Variants in KIR2DL3 observed in about 807,000 individuals in gnomAD.
KIR2DL3 encodes the protein killer cell immunoglobulin-like receptor 2DL3.
In KIR2DL3, 39 loss-of-function variants were observed where a neutral mutation model predicts 33.8. The ratio of observed to expected loss-of-function variants is 1.15; its 90% confidence interval spans 0.89 to 1.51. The LOEUF (loss-of-function observed/expected upper bound fraction) is 1.51. KIR2DL3 is among the 40% of genes most tolerant of loss of function. KIR2DL3 has a pLI of 0.00. For synonymous variants in KIR2DL3, 174 were observed against 160.2 expected (o/e 1.09, Z -0.65); for missense variants, 462 against 426.2 (o/e 1.08, Z -0.74).
chr19:54,740,638 C>A (rs1314532225), intron 2 of KIR2DL3, among the ~76,000 whole-genome samples: 3 of 151,572 alleles, frequency 2.0e-5, no homozygotes, highest in Non-Finnish European at 4.4e-5. Context: ...GGTCCCATCA[C>A]GCAGGCCCTG....
chr19:54,744,006 A>G lies in KIR2DL3; in HGVS notation c.582A>G (p.Gly194=), dbSNP rs10414159. The part of the protein sequence containing the change: ...DFPLGPATHG[G]TYRCFGSFRD... ...CTCTGGGCCCTGCCACCCACGGAGGAACCTACAGATGCTTCGGCTCTTTCC... is the reference window on the plus strand; with the variant it reads ...CTCTGGGCCCTGCCACCCACGGAGGGACCTACAGATGCTTCGGCTCTTTCC... Residue 194 remains glycine, a synonymous_variant, in exon 4 of 8, where the codon GGA becomes GGG. Transcript: ENST00000342376. 0.044 allele frequency: 68,827 copies of G among 1,565,218 alleles called. 1,673 individuals are homozygous for G. Among genetic ancestry groups the G allele is most frequent in the African/African-American group, 0.12 (8,737 of 73,312 alleles).
intron 4 of KIR2DL3, among the ~76,000 whole-genome samples, chr19:54,744,509 A>G (rs1291325668): frequency 1.3e-5 from 2 of 151,802 alleles, no homozygotes; most frequent in African/African-American, 4.8e-5. Flanking sequence ...AAATATACCT[A>G]TATAGCTTAC....
In KIR2DL3 at chr19:54,744,047, A is replaced by C; in HGVS notation, c.623A>C (p.Glu208Ala). The change falls in exon 4 of 8, where the codon GAG becomes GCG. Residue 208 changes from glutamate (E) to alanine (A), a missense_variant. Physicochemically the swap from Glu to Ala is moderately radical, Grantham distance 107 (BLOSUM62 -1). Transcript: ENST00000342376. ...CFGSFRDSPYEWSNSSDPLLV... is the reference protein window; with the variant it reads ...CFGSFRDSPYAWSNSSDPLLV... The stretch of plus-strand genomic sequence containing the variant: ...GGCTCTTTCCGTGACTCTCCATACG[A>C]GTGGTCAAACTCGAGTGACCCACTG... 6.2e-7 allele frequency: 1 copy of C among 1,614,224 alleles called. No individual in the cohort carries two copies. Among genetic ancestry groups the C allele is most frequent in the Non-Finnish European group, 8.5e-7 (1 of 1,180,048 alleles).
At chr19:54,740,621 C>A (rs2070869711) in intron 2 of KIR2DL3, among the ~76,000 whole-genome samples, 1 of 151,426 alleles carries the variant, frequency 6.6e-6, no homozygotes, top group African/African-American at 2.4e-5. Context: ...TTGGGCATGT[C>A]CTTGAGGGTC....
Position 54,751,021 on chromosome 19 carries a change from A to T in KIR2DL3, c.716-628A>T, listed in dbSNP as rs796515915. Among the ~76,000 whole-genome samples, 242 of 111,826 alleles carry T rather than the reference A, an allele frequency of 2.2e-3. 1 individual carries two copies. Among genetic ancestry groups the T allele is most frequent in the South Asian group, 5.4e-3 (15 of 2,756 alleles). The allele number at this position is 111,826 out of a possible 152,430, so 73.4% of individuals were successfully genotyped here. On this transcript the variant is annotated intron_variant, in intron 5 of 7. Transcript: ENST00000342376. ...TCTCAGGACGTTGCTGTCTTAGTCC[A>T]TTTTTGTTGCTCTAAAGGAACACTT...
intron 4 of KIR2DL3, among the ~76,000 whole-genome samples, chr19:54,744,909 CACATATATAAACATAT>C (rs1317787643): frequency 2.4e-4 from 10 of 41,572 alleles, no homozygotes; most frequent in African/African-American, 8.0e-4. Flanking sequence ...CACACACACA[CACATATATAAACATAT>C]ATATATATAT....
chr19:54,748,906 C>T (rs1419548380), intron 5 of KIR2DL3, among the ~76,000 whole-genome samples: 11 of 150,328 alleles, frequency 7.3e-5, no homozygotes, highest in African/African-American at 2.5e-4. Context: ...GGACTACAGG[C>T]GTGAGCCACT....
intron 2 of KIR2DL3, among the ~76,000 whole-genome samples, chr19:54,741,007 G>A (rs13346544): frequency 0.16 from 18,634 of 117,848 alleles, 15 homozygotes; most frequent in South Asian, 0.22. Context: ...TCTCCAGAGG[G>A]AACAAAGCCC....
chr19:54,744,954 A>ATATATATATATATATT (rs1398407460), intron 4 of KIR2DL3, among the ~76,000 whole-genome samples: 1 of 31,276 alleles, frequency 3.2e-5, no homozygotes, highest in Non-Finnish European at 6.0e-5. Flanking sequence ...ATATATATAT[A>ATATATATATATATATT]TTTTTTTTTT....
chr19:54,752,538 C>G lies in KIR2DL3; in HGVS notation c.*19C>G. On this transcript the variant is annotated 3_prime_UTR_variant, in exon 8 of 8. Transcript: ENST00000342376. ...GCCCTGATCCAAAGTTGTCTCCTGCCCATGAGCACCACAGTCAGGCCTTGA... is the reference window on the plus strand; with the variant it reads ...GCCCTGATCCAAAGTTGTCTCCTGCGCATGAGCACCACAGTCAGGCCTTGA... 6.8e-7 allele frequency: 1 copy of G among 1,462,812 alleles called. No homozygotes were observed. The highest frequency in any genetic ancestry group is 9.3e-7 in the Non-Finnish European group (1 of 1,075,760). 90.6% of individuals were successfully genotyped at this position (1,462,812 alleles called of 1,614,324 possible).
chr19:54,741,410 G>A lies in KIR2DL3; in HGVS notation c.71-570G>A, dbSNP rs2071078108. On this transcript the variant is annotated intron_variant, in intron 2 of 7. Coordinates refer to ENST00000342376, the MANE Select transcript of KIR2DL3 (RefSeq NM_015868.3). Reference sequence around the variant, plus strand: ...GCTACCCTGAGATCAGCAAGGGTGGGATGATGATGCCACCACCAGGCTCCA... The same window carrying A: ...GCTACCCTGAGATCAGCAAGGGTGGAATGATGATGCCACCACCAGGCTCCA... Among the ~76,000 whole-genome samples, 4 of 152,028 alleles carry A rather than the reference G, an allele frequency of 2.6e-5. No homozygotes were observed. In the East Asian group the frequency reaches 7.7e-4, roughly 29 times the overall value.
Position 54,744,954 on chromosome 19 carries a change from A to ATTTTT in KIR2DL3, c.664+885_664+889dup, listed in dbSNP as rs71195797. Among the ~76,000 whole-genome samples the ATTTTT allele has an allele frequency of 7.1e-3, 222 of 31,182 alleles. 10 individuals carry two copies. The highest frequency in any genetic ancestry group is 0.01 in the Non-Finnish European group (168 of 16,696). The allele number at this position is 31,182 out of a possible 152,430, so 20.5% of individuals were successfully genotyped here. On this transcript the variant is annotated intron_variant, in intron 4 of 7. Transcript: ENST00000342376. ...TATATATATATATATATATATATAT[A>ATTTTT]TTTTTTTTTTTTTTTTTTTTTTTAC...
At chr19:54,741,313 C>T (rs533080304) in intron 2 of KIR2DL3, among the ~76,000 whole-genome samples, 57 of 151,112 alleles carry the variant, frequency 3.8e-4, no homozygotes, top group African/African-American at 1.3e-3. Flanking sequence ...TCACTCCAGC[C>T]TGGGTGAAGG....
At position 54,744,221 on chromosome 19, in the gene KIR2DL3, G is replaced by A. The variant is rs566450929; in HGVS notation, c.664+133G>A. 2.7e-3 allele frequency: 3,794 copies of A among 1,389,726 alleles called. 22 individuals carry two copies. The highest frequency in any genetic ancestry group is 2.6e-3 in the Non-Finnish European group (2,579 of 1,011,212). 86.1% of individuals were successfully genotyped at this position (1,389,726 alleles called of 1,614,324 possible). A position where few individuals can be genotyped will look rare whatever the true frequency, so the allele number is the denominator to read the frequency against. The stretch of plus-strand genomic sequence containing the variant: ...AGCTTGGGTGTGAGGGAGGGATCAG[G>A]GCACAGGATGGCAGACAGGGCACCT... On this transcript the variant is annotated intron_variant, in intron 4 of 7. Transcript: ENST00000342376.
chr19:54,748,062 C>G (rs1415204245), intron 5 of KIR2DL3, among the ~76,000 whole-genome samples: 20 of 151,480 alleles, frequency 1.3e-4, no homozygotes, highest in Admixed American at 6.6e-5. Context: ...GCTGCCTTCC[C>G]TCTGAGGATT....
At chr19:54,743,259 A>T (rs2147057689) in intron 3 of KIR2DL3, among the ~76,000 whole-genome samples, 1 of 152,094 alleles carries the variant, frequency 6.6e-6, no homozygotes, top group Middle Eastern at 3.4e-3. Flanking sequence ...AGAGATGATG[A>T]TGATGAAGAC....
rs1163043232 is a variant in KIR2DL3, at chr19:54,743,167, T to C, written c.371-628T>C. On this transcript the variant is annotated intron_variant, in intron 3 of 7. Transcript: ENST00000342376. ...CAGATGATAGATGGATAGATATAGA[T>C]AGATGATAAATAGGTAGATGATAGA... Among the ~76,000 whole-genome samples, 1,271 of 151,914 alleles carry C rather than the reference T, an allele frequency of 8.4e-3. 15 individuals are homozygous for C. Among genetic ancestry groups the C allele is most frequent in the African/African-American group, 0.029 (1,202 of 41,376 alleles).
Position 54,743,919 on chromosome 19 carries a change from G to A in KIR2DL3, c.495G>A (p.Glu165=). 1 of 1,614,120 alleles carries A rather than the reference G, an allele frequency of 6.2e-7. No homozygotes were observed. The highest frequency in any genetic ancestry group is 1.1e-5 in the South Asian group (1 of 91,084). ...TGTACCATCTATCCAGGGAGGGGGA[G>A]GCCCATGAACGTAGGTTCTCTGCAG... is the stretch of plus-strand genomic sequence containing the variant. ...YDMYHLSREG[E]AHERRFSAGP... The change falls in exon 4 of 8, where the codon GAG becomes GAA. Residue 165 remains glutamate, a synonymous_variant. Coordinates refer to ENST00000342376, the MANE Select transcript of KIR2DL3 (RefSeq NM_015868.3).
chr19:54,749,424 GAT>G (rs1010224004), intron 5 of KIR2DL3, among the ~76,000 whole-genome samples: 1 of 128,060 alleles, frequency 7.8e-6, no homozygotes, highest in Non-Finnish European at 1.8e-5. Flanking sequence ...ATGGATATAA[GAT>G]ATGTTTGTGA....
Sources: allele counts gnomAD v4.1 joint callset (sites outside exome capture counted in the v4.1 genomes callset), GRCh38; gene constraint gnomAD v4.1.1; transcripts MANE v1.5; gene names NCBI Gene and HGNC (gene_info 2026-07-23, HGNC 2026-07-21).